Variants in SGK2 observed in about 807,000 individuals in gnomAD.
SGK2 encodes serine/threonine-protein kinase Sgk2.
SGK2 carries 36 observed loss-of-function variants against 47.5 expected under a neutral mutation model. The observed-to-expected ratio is 0.76, with a 90% CI of 0.58 to 1.00. SGK2 has a LOEUF of 1.00. SGK2 is among the 50% of genes least tolerant of loss of function. The probability of loss-of-function intolerance (pLI) is 0.00; values close to 1 mark genes in which losing one functional copy is unlikely to be tolerated. For synonymous variants in SGK2, 157 were observed against 181.9 expected (o/e 0.86, Z 1.10); for missense variants, 404 against 467.4 (o/e 0.86, Z 1.25).
intron 1 of SGK2, among the ~76,000 whole-genome samples, chr20:43,560,512 A>T (rs1979317566): frequency 1.3e-5 from 2 of 152,126 alleles, no homozygotes; most frequent in Admixed American, 1.3e-4. Context: ...AAAAAAAAAA[A>T]AAAGTTAAAA....
At chr20:43,570,871 GTCCAAGTGCC>G in intron 7 of SGK2, 142 bp downstream of exon 7, 1 of 1,340,892 alleles carries the variant, frequency 7.5e-7, no homozygotes, top group Non-Finnish European at 1.0e-6. Context: ...CTCCTCCGAG[GTCCAAGTGCC>G]CAGCCTTTCT....
At chr20:43,576,973 G>C (rs1269137339) in intron 11 of SGK2, among the ~76,000 whole-genome samples, 3 of 152,262 alleles carry the variant, frequency 2.0e-5, no homozygotes, top group East Asian at 3.9e-4. Context: ...TTTGGGATTG[G>C]GGGCAGGCAA....
chr20:43,575,240 A>G (rs1464868403), intron 10 of SGK2, among the ~76,000 whole-genome samples: 1 of 152,180 alleles, frequency 6.6e-6, no homozygotes, highest in Non-Finnish European at 1.5e-5. Context: ...AGGCAGGTGG[A>G]TCACCTGAGG....
intron 9 of SGK2, among the ~76,000 whole-genome samples, chr20:43,574,503 T>A (rs566534837): frequency 6.6e-6 from 1 of 152,226 alleles, no homozygotes; most frequent in East Asian, 1.9e-4. Context: ...TTTGCAAAAA[T>A]AGAAAAAGGC....
intron 2 of SGK2, 126 bp from the exon 3 acceptor site, chr20:43,566,942 A>AAAAAG: frequency 1.4e-6 from 1 of 727,858 alleles, no homozygotes; most frequent in Admixed American, 2.7e-5. Flanking sequence ...CAGGTGAAAA[A>AAAAAG]AAAAGAAAAG....
chr20:43,574,141 T>C (rs1980324973), intron 9 of SGK2, among the ~76,000 whole-genome samples: 1 of 152,214 alleles, frequency 6.6e-6, no homozygotes, highest in Non-Finnish European at 1.5e-5. Flanking sequence ...CAGGTCTGTG[T>C]GACTCTGCCC....
chr20:43,580,169 A>C, intron 12 of SGK2, 108 bp downstream of exon 12: 1 of 669,890 alleles, frequency 1.5e-6, no homozygotes, highest in Admixed American at 3.0e-5. Flanking sequence ...CAAGAAGCTC[A>C]GTCATTTGTC....
At chr20:43,584,489 C>T (rs1184386841) in intron 12 of SGK2, among the ~76,000 whole-genome samples, 1 of 152,078 alleles carries the variant, frequency 6.6e-6, no homozygotes, top group East Asian at 1.9e-4. Context: ...TCCTAAGTTA[C>T]CTATTTGTAC....
In SGK2 at chr20:43,570,641, C is replaced by A; in HGVS notation, c.385C>A (p.Arg129Ser). 3 of 1,610,452 alleles carry A rather than the reference C, an allele frequency of 1.9e-6. No individual in the cohort carries two copies. Among genetic ancestry groups the A allele is most frequent in the Middle Eastern group, 1.7e-4 (1 of 6,038 alleles). Reference protein sequence around the residue: ...GELFFHLQRERRFLEPRARFY... With the variant: ...GELFFHLQRESRFLEPRARFY... ...GCTCTTCTTCCACCTGCAGCGGGAG[C>A]GCCGGTTCCTGGAGCCCCGGGCCAG... The change falls in exon 7 of 13, where the codon CGC becomes AGC. Residue 129 changes from arginine to serine, a missense_variant. Transcript: ENST00000373100.
intron 12 of SGK2, among the ~76,000 whole-genome samples, chr20:43,583,012 A>G (rs1197254540): frequency 6.6e-6 from 1 of 152,170 alleles, no homozygotes; most frequent in African/African-American, 2.4e-5. Context: ...AAGGAGTCCT[A>G]TTGGAGGTGG....
At chr20:43,577,659 T>G (rs1600998357) in intron 11 of SGK2, among the ~76,000 whole-genome samples, 1 of 150,602 alleles carries the variant, frequency 6.6e-6, no homozygotes, top group Non-Finnish European at 1.5e-5. Context: ...TTTTTTTTTT[T>G]TTGAGACTGA....
chr20:43,574,867 G>A (rs774471468), intron 9 of SGK2, 42 bp from the exon 10 acceptor site: 1 of 1,514,594 alleles, frequency 6.6e-7, no homozygotes, highest in South Asian at 1.1e-5. Flanking sequence ...GGCAACTGAG[G>A]CTTAACGACT....
chr20:43,570,701 T>C lies in SGK2; in HGVS notation c.445T>C (p.Tyr149His). ...YAAEVASAIG[Y>H]LHSLNIIYRD... Reference sequence around the variant, plus strand: ...TGCTGAGGTGGCCAGCGCCATTGGCTACCTGCACTCCCTCAACATCATTTA... The same window carrying C: ...TGCTGAGGTGGCCAGCGCCATTGGCCACCTGCACTCCCTCAACATCATTTA... The change falls in exon 7 of 13, where the codon TAC (tyrosine) becomes CAC (histidine). Residue 149 changes from tyrosine to histidine, a missense_variant. Physicochemically the swap from Tyr to His is moderately conservative, Grantham distance 83. Transcript: ENST00000373100. 1 of 1,613,344 alleles carries C rather than the reference T, an allele frequency of 6.2e-7. No homozygotes were observed. The highest frequency in any genetic ancestry group is 1.1e-5 in the South Asian group (1 of 91,056).
intron 5 of SGK2, among the ~76,000 whole-genome samples, 170 bp from the exon 6 acceptor site, chr20:43,569,215 A>C (rs73907839): frequency 0.014 from 2,106 of 152,154 alleles, 56 homozygotes; most frequent in African/African-American, 0.049. Context: ...CTAAGGAAGG[A>C]ACTTGGGCCT....
At position 43,569,509 on chromosome 20, in the gene SGK2, G is replaced by A; in HGVS notation, c.353G>A (p.Gly118Glu). ...TACTTCGTGCTCGACTATGTCAACG[G>A]GGGAGAGGTGGGTGGGCCCACAGGG... ...KLYFVLDYVN[G>E]GELFFHLQRE... Residue 118 changes from glycine (G) to glutamate (E), a missense_variant, in exon 6 of 13, where the codon GGG becomes GAG. Physicochemically the swap from Gly to Glu is moderately conservative, Grantham distance 98. Coordinates refer to ENST00000373100, the MANE Select transcript of SGK2 (RefSeq NM_170693.3). 1 of 1,612,802 alleles carries A rather than the reference G, an allele frequency of 6.2e-7. No individual in the cohort carries two copies. Among genetic ancestry groups the A allele is most frequent in the Admixed American group, 1.7e-5 (1 of 60,010 alleles).
In SGK2 at chr20:43,570,712, C is replaced by G. The variant is rs772202676; in HGVS notation, c.456C>G (p.Ser152=). 2.0e-5 allele frequency: 32 copies of G among 1,612,672 alleles called. No homozygotes were observed. The South Asian group carries it at 2.9e-4, about 14-fold the overall frequency. ...CCAGCGCCATTGGCTACCTGCACTCCCTCAACATCATTTACAGGTGAGGCC... is the reference window on the plus strand; with the variant it reads ...CCAGCGCCATTGGCTACCTGCACTCGCTCAACATCATTTACAGGTGAGGCC... The part of the protein sequence containing the change: ...EVASAIGYLH[S]LNIIYRDLKP... The change falls in exon 7 of 13, where the codon TCC becomes TCG. Residue 152 remains serine, a synonymous_variant. Transcript: ENST00000373100.
At chr20:43,564,167 G>A (rs1372372711) in intron 1 of SGK2, among the ~76,000 whole-genome samples, 1 of 152,270 alleles carries the variant, frequency 6.6e-6, no homozygotes, top group Non-Finnish European at 1.5e-5. Context: ...GCCTTCATGA[G>A]CCAGGGTGCT....
intron 12 of SGK2, among the ~76,000 whole-genome samples, chr20:43,582,257 T>A (rs1488061506): frequency 6.6e-6 from 1 of 152,042 alleles, no homozygotes. Flanking sequence ...GATGTTTTTC[T>A]ATGTAGCCCA....
chr20:43,575,838 T>C (rs540803445), intron 10 of SGK2, among the ~76,000 whole-genome samples: 1 of 152,312 alleles, frequency 6.6e-6, no homozygotes, highest in Admixed American at 6.5e-5. Context: ...GTTTGGGGCC[T>C]GGCTGTCTTC....
Sources: gnomAD v4.1 joint callset for allele counts (sites outside exome capture counted in the v4.1 genomes callset) on GRCh38, gnomAD v4.1.1 for gene constraint, MANE v1.5 for transcripts, NCBI Gene and HGNC (gene_info 2026-07-23, HGNC 2026-07-21) for gene names.